The following CA5A variants were observed in gnomAD, a reference collection of about 807,000 sequenced individuals.
The protein encoded by CA5A is carbonic anhydrase 5A.
A neutral mutation model predicts 37.1 loss-of-function variants in CA5A; 28 were observed. That is an observed-to-expected ratio of 0.75 (90% CI 0.56 to 1.03). The LOEUF (loss-of-function observed/expected upper bound fraction) is 1.03, where lower values mean the gene tolerates loss of function less well. Among genes scored for constraint, CA5A ranks in the 50% least tolerant of loss-of-function variants. The pLI is 0.00. For missense variants in CA5A, 444 were observed against 399.9 expected (o/e 1.11, Z -0.94); for synonymous variants, 171 against 158.4 (o/e 1.08, Z -0.60).
At chr16:87,893,840 A>T in intron 5 of CA5A, 1 of 302,214 alleles carries the variant, frequency 3.3e-6, no homozygotes, top group South Asian at 2.9e-5. Context: ...TGATGCCATC[A>T]TAGCTCACTG....
At chr16:87,910,853 G>A (rs906143562) in intron 2 of CA5A, among the ~76,000 whole-genome samples, 4 of 152,044 alleles carry the variant, frequency 2.6e-5, no homozygotes, top group Non-Finnish European at 5.9e-5. Flanking sequence ...GAGCTCAAGC[G>A]ATTCTCTCAC....
chr16:87,902,841 G>A (rs756784284), intron 3 of CA5A, among the ~76,000 whole-genome samples: 1 of 151,746 alleles, frequency 6.6e-6, no homozygotes, highest in Admixed American at 6.6e-5. Flanking sequence ...GAACCCAGGA[G>A]GTAGAGCTTG....
chr16:87,902,467 G>A lies in CA5A; in HGVS notation c.513C>T (p.Val171=), dbSNP rs769040032. Residue 171 remains valine, a synonymous_variant, in exon 4 of 7, where the codon GTC becomes GTT. Coordinates refer to ENST00000649794, the MANE Select transcript of CA5A (RefSeq NM_001739.2). ...SVKYQNYKEA[V]VGENGLAVIG... ...TCACAGCCAAACCATTCTCTCCCAC[G>A]ACAGCTTCCTTGTAATTTTGGTATT... 1.2e-5 allele frequency: 20 copies of A among 1,612,106 alleles called. No individual in the cohort carries two copies. The highest frequency in any genetic ancestry group is 1.0e-4 in the Admixed American group (6 of 59,960).
At chr16:87,889,885 G>A (rs886356951) in intron 6 of CA5A, among the ~76,000 whole-genome samples, 2 of 152,252 alleles carry the variant, frequency 1.3e-5, no homozygotes, top group Non-Finnish European at 2.9e-5. Flanking sequence ...ATTACATTCA[G>A]AAGTGAGATT....
chr16:87,914,304 G>A (rs528253933), intron 2 of CA5A, among the ~76,000 whole-genome samples: 29 of 152,316 alleles, frequency 1.9e-4, no homozygotes, highest in African/African-American at 5.8e-4. Context: ...GCTCATCACC[G>A]TCCATCTCCT....
intron 1 of CA5A, among the ~76,000 whole-genome samples, chr16:87,934,708 C>A (rs1049874371): frequency 6.6e-6 from 1 of 152,182 alleles, no homozygotes; most frequent in African/African-American, 2.4e-5. Context: ...GCCTGTAATC[C>A]CAGCACTTTA....
intron 6 of CA5A, among the ~76,000 whole-genome samples, chr16:87,889,362 T>G (rs1173265605): frequency 6.6e-6 from 1 of 152,282 alleles, no homozygotes; most frequent in Non-Finnish European, 1.5e-5. Context: ...CTCAAATGAT[T>G]GTTTTCTAAA....
intron 5 of CA5A, among the ~76,000 whole-genome samples, chr16:87,897,583 G>C (rs1435615193): frequency 6.6e-6 from 1 of 152,246 alleles, no homozygotes; most frequent in Non-Finnish European, 1.5e-5. Context: ...GACACTGCCT[G>C]TGTTTCCCTC....
At chr16:87,899,852 G>A (rs564809359) in intron 5 of CA5A, among the ~76,000 whole-genome samples, 9 of 145,948 alleles carry the variant, frequency 6.2e-5, no homozygotes, top group South Asian at 2.2e-4. Flanking sequence ...CCTGGAAGGC[G>A]GAGGTTGCAG....
chr16:87,882,589 T>C (rs1481040160), intron 4 of CA5A: 9 of 152,234 alleles, frequency 5.9e-5, no homozygotes, highest in Non-Finnish European at 1.5e-5. Flanking sequence ...CCAACGGCGC[T>C]GCGAGCTTCT....
intron 2 of CA5A, among the ~76,000 whole-genome samples, chr16:87,913,968 C>T (rs1399715196): frequency 3.9e-5 from 6 of 152,226 alleles, no homozygotes; most frequent in Non-Finnish European, 7.3e-5. Context: ...TGGGGAGCGG[C>T]GGCAGCGCGT....
chr16:87,900,455 G>A (rs111273911), intron 5 of CA5A, among the ~76,000 whole-genome samples: 16 of 152,246 alleles, frequency 1.1e-4, no homozygotes, highest in African/African-American at 3.9e-4. Flanking sequence ...GCTGGTCCCA[G>A]CTCCATCTGG....
At chr16:87,916,017 G>A (rs2056136429) in intron 2 of CA5A, among the ~76,000 whole-genome samples, 1 of 151,840 alleles carries the variant, frequency 6.6e-6, no homozygotes, top group African/African-American at 2.4e-5. Flanking sequence ...CTTGCATGGG[G>A]GCAGCCAAGA....
chr16:87,916,831 G>A (rs1241870556), intron 2 of CA5A, among the ~76,000 whole-genome samples: 1 of 151,792 alleles, frequency 6.6e-6, no homozygotes, highest in East Asian at 2.0e-4. Context: ...GGCTGGGCAT[G>A]GTGGCTCACG....
At chr16:87,926,221 T>TATAATATAAAATAAAATAAA (rs1555523843) in intron 2 of CA5A, among the ~76,000 whole-genome samples, 1 of 150,490 alleles carries the variant, frequency 6.6e-6, no homozygotes, top group African/African-American at 2.5e-5. Context: ...TCTGTCTCAA[T>TATAATATAAAATAAAATAAA]ATAAAATAAA....
chr16:87,919,395 G>T (rs1181829266), intron 2 of CA5A, among the ~76,000 whole-genome samples: 2 of 152,228 alleles, frequency 1.3e-5, no homozygotes, highest in African/African-American at 4.8e-5. Context: ...AGCAGCCAAA[G>T]CCGGGCCCCT....
chr16:87,908,202 A>T (rs1170703152), intron 2 of CA5A, among the ~76,000 whole-genome samples: 1 of 152,188 alleles, frequency 6.6e-6, no homozygotes, highest in Non-Finnish European at 1.5e-5. Flanking sequence ...ACACAGAAAT[A>T]GTTAAAGACC....
At chr16:87,887,963 T>C (rs141445554), downstream of CA5A, 19,296 of 1,052,064 alleles carry the variant, frequency 0.018, 237 homozygotes, top group African/African-American at 0.033. Flanking sequence ...CCCACGGTAC[T>C]TACACATCTT....
downstream of CA5A, chr16:87,887,930 C>G: frequency 1.5e-6 from 1 of 688,322 alleles, no homozygotes; most frequent in Non-Finnish European, 2.2e-6. Flanking sequence ...CATGGCACAC[C>G]CCTCCATCCC....
Sources: allele counts gnomAD v4.1 joint callset (sites outside exome capture counted in the v4.1 genomes callset), GRCh38; gene constraint gnomAD v4.1.1; transcripts MANE v1.5; gene names NCBI Gene and HGNC (gene_info 2026-07-23, HGNC 2026-07-21).